QRICH1: variants seen among roughly 807,000 people sequenced by gnomAD.
The protein encoded by QRICH1 is transcriptional regulator QRICH1.
In QRICH1, 16 loss-of-function variants were observed where a neutral mutation model predicts 87.1. The observed-to-expected ratio is 0.18, with a 90% CI of 0.12 to 0.28. The LOEUF (loss-of-function observed/expected upper bound fraction) is 0.28. Among genes scored for constraint, QRICH1 ranks in the 10% least tolerant of loss-of-function variants. The pLI is 1.00. For missense variants in QRICH1, 647 were observed against 951.7 expected (o/e 0.68, Z 4.21); for synonymous variants, 367 against 368.4 (o/e 1.00, Z 0.05).
At position 49,030,294 on chromosome 3, in the gene QRICH1, G is replaced by A; in HGVS notation, c.*158C>T. 1 of 706,898 alleles carries A rather than the reference G, an allele frequency of 1.4e-6. No homozygotes were observed. The allele number at this position is 706,898 out of a possible 1,614,324, so 43.8% of individuals were successfully genotyped here. A position where few individuals can be genotyped will look rare whatever the true frequency, so the allele number is the denominator to read the frequency against. ...AGCAGGTTTATGAAGATGCAAAGGG[G>A]GCAAAGTTTTCTTTTATATTTTAAA... On this transcript the variant is annotated 3_prime_UTR_variant, in exon 10 of 10. Coordinates refer to ENST00000395443, the MANE Select transcript of QRICH1 (RefSeq NM_198880.3).
chr3:49,031,620 G>A (rs983739727), intron 9 of QRICH1, among the ~76,000 whole-genome samples: 2 of 152,164 alleles, frequency 1.3e-5, no homozygotes, highest in African/African-American at 2.4e-5. Flanking sequence ...CAGGGAAGAG[G>A]TGGGGAATCT....
chr3:49,047,875 T>TAC (rs1485156151), intron 3 of QRICH1, among the ~76,000 whole-genome samples: 1 of 151,334 alleles, frequency 6.6e-6, no homozygotes, highest in Non-Finnish European at 1.5e-5. Flanking sequence ...ACTCCTTGAG[T>TAC]AAGATTGCAC....
intron 3 of QRICH1, among the ~76,000 whole-genome samples, chr3:49,055,240 G>A (rs1455730587): frequency 6.6e-6 from 1 of 152,100 alleles, no homozygotes; most frequent in Non-Finnish European, 1.5e-5. Flanking sequence ...ATGTTTCCAA[G>A]TGCAGTCCCT....
At chr3:49,069,107 A>T (rs11918371) in intron 2 of QRICH1, among the ~76,000 whole-genome samples, 41,874 of 123,498 alleles carry the variant, frequency 0.34, 8,582 homozygotes, top group Non-Finnish European at 0.46. Flanking sequence ...TATTATTATT[A>T]TTTTTTTTTT....
At chr3:49,050,900 G>C (rs1282890160) in intron 3 of QRICH1, among the ~76,000 whole-genome samples, 1 of 152,056 alleles carries the variant, frequency 6.6e-6, no homozygotes, top group Non-Finnish European at 1.5e-5. Context: ...ACCACCCACA[G>C]GCCCAAGCCT....
At chr3:49,046,672 A>C in intron 4 of QRICH1, 93 bp from the exon 5 acceptor site, 1 of 1,366,062 alleles carries the variant, frequency 7.3e-7, no homozygotes. Flanking sequence ...GCTGGGATAG[A>C]AATGCTCACT....
chr3:49,081,647 T>G (rs896030376), intron 1 of QRICH1, among the ~76,000 whole-genome samples: 1 of 152,142 alleles, frequency 6.6e-6, no homozygotes, highest in African/African-American at 2.4e-5. Context: ...ACTACAGGCG[T>G]GTACCATCAC....
In QRICH1 at chr3:49,029,777, A is replaced by C; in HGVS notation, c.*675T>G. On this transcript the variant is annotated 3_prime_UTR_variant, in exon 10 of 10. Coordinates refer to ENST00000395443, the MANE Select transcript of QRICH1 (RefSeq NM_198880.3). ...GAATACATAAGAGAAACAGAGTGGT[A>C]TCTTTATATGATACACAAGTGTATG... 3.5e-6 allele frequency: 1 copy of C among 289,692 alleles called. No homozygotes were observed. The highest frequency in any genetic ancestry group is 6.8e-6 in the Non-Finnish European group (1 of 147,864). 17.9% of individuals were successfully genotyped at this position (289,692 alleles called of 1,614,324 possible). A position where few individuals can be genotyped will look rare whatever the true frequency, so the allele number is the denominator to read the frequency against.
intron 2 of QRICH1, among the ~76,000 whole-genome samples, chr3:49,069,211 C>A (rs995996039): frequency 6.7e-6 from 1 of 149,378 alleles, no homozygotes; most frequent in Admixed American, 6.8e-5. Flanking sequence ...TCAAGCAATT[C>A]TCTGCCTCAG....
At chr3:49,062,999 CAA>C (rs201132903) in intron 2 of QRICH1, among the ~76,000 whole-genome samples, 3 of 129,824 alleles carry the variant, frequency 2.3e-5, no homozygotes, top group Non-Finnish European at 3.3e-5. Context: ...GACTCCGTCT[CAA>C]AAAAAAAAAA....
At chr3:49,036,126 A>G (rs1282858276) in intron 6 of QRICH1, among the ~76,000 whole-genome samples, 1 of 152,118 alleles carries the variant, frequency 6.6e-6, no homozygotes, top group African/African-American at 2.4e-5. Flanking sequence ...AACAGACTCT[A>G]TTGACTGAGG....
rs375213605 is a variant in QRICH1, at chr3:49,033,257, A to G, written c.1787-29T>C. On this transcript the variant is annotated intron_variant, in intron 6 of 9. Coordinates refer to ENST00000395443, the MANE Select transcript of QRICH1 (RefSeq NM_198880.3). Reference sequence around the variant, plus strand: ...GGAGGAATAGAGTACTGTCACAACAAGAGGATGGCAGGTGGTCTCTCAAAG... The same window carrying G: ...GGAGGAATAGAGTACTGTCACAACAGGAGGATGGCAGGTGGTCTCTCAAAG... 12 of 1,391,166 alleles carry G rather than the reference A, an allele frequency of 8.6e-6. No homozygotes were observed. The African/African-American group carries it at 1.6e-4, about 19-fold the overall frequency. 86.2% of individuals were successfully genotyped at this position (1,391,166 alleles called of 1,614,324 possible). A position where few individuals can be genotyped will look rare whatever the true frequency, so the allele number is the denominator to read the frequency against.
rs533943743 is a variant in QRICH1, at chr3:49,083,739, G to A, written c.-21-6701C>T. 1.4e-4 allele frequency among the ~76,000 whole-genome samples: 21 copies of A among 152,084 alleles called. No individual in the cohort carries two copies. The South Asian group carries it at 4.2e-3, about 30-fold the overall frequency. ...GCTATGATCATGCCACTGCACTCCA[G>A]CTTGGGTGACAGAGTGAGACTCCAT... On this transcript the variant is annotated intron_variant, in intron 1 of 9. Coordinates refer to ENST00000395443, the MANE Select transcript of QRICH1 (RefSeq NM_198880.3).
In QRICH1 at chr3:49,086,860, T is replaced by C. The variant is rs193082569; in HGVS notation, c.-22+7052A>G. The C allele has an allele frequency of 2.0e-5, 3 of 152,292 alleles. No individual in the cohort carries two copies. The East Asian group carries it at 5.8e-4, about 29-fold the overall frequency. The allele number at this position is 152,292 out of a possible 1,614,324, so 9.4% of individuals were successfully genotyped here. ...TCAATCCGTGATGGACTAAAAGAAG[T>C]CTGAACTGCCTCAGAACCTTACCTC... On this transcript the variant is annotated intron_variant, in intron 1 of 9. Coordinates refer to ENST00000395443, the MANE Select transcript of QRICH1 (RefSeq NM_198880.3).
Position 49,057,077 on chromosome 3 carries a change from C to T in QRICH1, c.1123G>A (p.Val375Ile). The change falls in exon 3 of 10, where the codon GTA becomes ATA. Residue 375 changes from valine (V) to isoleucine (I), a missense_variant. Val to Ile is a conservative substitution (Grantham distance 29). Coordinates refer to ENST00000395443, the MANE Select transcript of QRICH1 (RefSeq NM_198880.3). The surrounding 1 kb of genome is among the most constrained non-coding windows in gnomAD (Gnocchi z 5.4). Reference sequence around the variant, plus strand: ...AGAGAGTTTGCAAGGGTCTGCACTACCTCTTCATGGGAGTTTTTCACTACA... The same window carrying T: ...AGAGAGTTTGCAAGGGTCTGCACTATCTCTTCATGGGAGTTTTTCACTACA... ...TSVVKNSHEE[V>I]VQTLANSLFP... 1.2e-6 allele frequency: 2 copies of T among 1,614,214 alleles called. No homozygotes were observed. The highest frequency in any genetic ancestry group is 1.7e-6 in the Non-Finnish European group (2 of 1,180,036).
At chr3:49,064,228 G>A (rs2093452893) in intron 2 of QRICH1, among the ~76,000 whole-genome samples, 1 of 147,748 alleles carries the variant, frequency 6.8e-6, no homozygotes, top group South Asian at 2.1e-4. Flanking sequence ...ACCATGGCTG[G>A]CCCTAATTTT....
In QRICH1 at chr3:49,080,151, G is replaced by A. The variant is rs558932689; in HGVS notation, c.-21-3113C>T. On this transcript the variant is annotated intron_variant, in intron 1 of 9. Coordinates refer to ENST00000395443, the MANE Select transcript of QRICH1 (RefSeq NM_198880.3). The stretch of plus-strand genomic sequence containing the variant: ...AGGGGACAAAGGAGAGATTATATGA[G>A]CAGCCATTAACAGGTCCTCTACCAT... Among the ~76,000 whole-genome samples the A allele has an allele frequency of 3.9e-5, 6 of 152,176 alleles. No homozygotes were observed. In the East Asian group the frequency reaches 9.7e-4, roughly 25 times the overall value.
Position 49,076,890 on chromosome 3 carries a change from T to C in QRICH1, c.128A>G (p.Gln43Arg), listed in dbSNP as rs200708174. 6.2e-7 allele frequency: 1 copy of C among 1,614,044 alleles called. No homozygotes were observed. Among genetic ancestry groups the C allele is most frequent in the East Asian group, 2.2e-5 (1 of 44,876 alleles). Residue 43 changes from glutamine to arginine, a missense_variant, in exon 2 of 10, where the codon CAG becomes CGG. By Grantham distance (43) the Gln-to-Arg change is conservative. Transcript: ENST00000395443. ...SLASKGPEAL[Q>R]EFQQTATTTM... is the part of the protein sequence containing the mutation. ...AGTGGTGGCTGTCTGCTGGAACTCCTGAAGGGCTTCTGGCCCCTTAGAGGC... is the reference window on the plus strand; with the variant it reads ...AGTGGTGGCTGTCTGCTGGAACTCCCGAAGGGCTTCTGGCCCCTTAGAGGC...
intron 2 of QRICH1, among the ~76,000 whole-genome samples, chr3:49,062,860 CGT>C (rs1272723107): frequency 6.6e-6 from 1 of 151,776 alleles, no homozygotes; most frequent in African/African-American, 2.4e-5. Context: ...ATTAGCCAGG[CGT>C]GGTGACGGGT....
Sources: gnomAD v4.1 joint callset for allele counts (sites outside exome capture counted in the v4.1 genomes callset) on GRCh38, gnomAD v4.1.1 for gene constraint, Gnocchi (gnomAD v3.1) non-coding constraint, MANE v1.5 for transcripts, NCBI Gene and HGNC (gene_info 2026-07-23, HGNC 2026-07-21) for gene names.